The following DNER variants were observed in gnomAD, a reference collection of about 807,000 sequenced individuals.
DNER encodes delta and Notch-like epidermal growth factor-related receptor.
DNER carries 33 observed loss-of-function variants against 78.2 expected under a neutral mutation model. That is an observed-to-expected ratio of 0.42 (90% confidence interval 0.32 to 0.56). The LOEUF (loss-of-function observed/expected upper bound fraction) is 0.56, where lower values mean the gene tolerates loss of function less well. Ranked by LOEUF, DNER falls within the 20% of genes least tolerant of loss-of-function variation. DNER has a pLI of 0.11. For missense variants in DNER, 918 were observed against 975.3 expected, an observed-to-expected ratio of 0.94 and a Z score of 0.78; for synonymous variants, 417 against 384.8, an observed-to-expected ratio of 1.08 and a Z score of -0.98.
intron 1 of DNER, among the ~76,000 whole-genome samples, chr2:229,640,755 G>C (rs1339105139): frequency 4.6e-5 from 7 of 152,236 alleles, no homozygotes; most frequent in Non-Finnish European, 1.0e-4. Flanking sequence ...AGTGTGCTGA[G>C]GACCTAGCGG....
At chr2:229,462,220 G>C (rs1694717724) in intron 7 of DNER, among the ~76,000 whole-genome samples, 1 of 152,080 alleles carries the variant, frequency 6.6e-6, no homozygotes, top group Non-Finnish European at 1.5e-5. Context: ...AACATTTCTG[G>C]AAGATTTTAA....
chr2:229,630,677 G>A (rs964412004), intron 1 of DNER, among the ~76,000 whole-genome samples: 1 of 151,938 alleles, frequency 6.6e-6, no homozygotes, highest in Non-Finnish European at 1.5e-5. Flanking sequence ...GGGTACATGT[G>A]CAGGTTTGTT....
intron 1 of DNER, among the ~76,000 whole-genome samples, chr2:229,602,135 C>A (rs1697837839): frequency 6.6e-6 from 1 of 151,964 alleles, no homozygotes. Context: ...TTTTACAAAA[C>A]CACAATGCCA....
At chr2:229,488,547 A>G (rs1695327716) in intron 6 of DNER, among the ~76,000 whole-genome samples, 1 of 152,242 alleles carries the variant, frequency 6.6e-6, no homozygotes, top group African/African-American at 2.4e-5. Flanking sequence ...TCCATTTTAT[A>G]GATAAGAGAA....
intron 6 of DNER, among the ~76,000 whole-genome samples, chr2:229,492,320 C>T (rs1302073612): frequency 6.6e-6 from 1 of 152,194 alleles, no homozygotes; most frequent in Non-Finnish European, 1.5e-5. Flanking sequence ...CGTACCATGT[C>T]TCACTAGCTT....
chr2:229,685,259 T>A (rs1039016958), intron 1 of DNER, among the ~76,000 whole-genome samples: 1 of 116,280 alleles, frequency 8.6e-6, no homozygotes. Flanking sequence ...CTGTTCTGTT[T>A]TAAATAAAAC....
chr2:229,521,091 A>C (rs1696086811), intron 5 of DNER, among the ~76,000 whole-genome samples: 1 of 152,194 alleles, frequency 6.6e-6, no homozygotes, highest in Admixed American at 6.5e-5. Flanking sequence ...AAAAGTCCGA[A>C]GACCTCTCTA....
At chr2:229,546,814 C>CAGAAAGACAGACAGACAGAT in intron 5 of DNER, 133 bp downstream of exon 5, 1 of 1,290,172 alleles carries the variant, frequency 7.8e-7, no homozygotes, top group Non-Finnish European at 1.1e-6. Flanking sequence ...GACAGACAGA[C>CAGAAAGACAGACAGACAGAT]AGACAGACAG....
At chr2:229,620,653 G>A (rs1698238264) in intron 1 of DNER, among the ~76,000 whole-genome samples, 1 of 152,232 alleles carries the variant, frequency 6.6e-6, no homozygotes, top group African/African-American at 2.4e-5. Context: ...ACCCCACACT[G>A]GGATGGGGCG....
chr2:229,705,910 C>T (rs1220266245), intron 1 of DNER, among the ~76,000 whole-genome samples: 1 of 152,182 alleles, frequency 6.6e-6, no homozygotes, highest in African/African-American at 2.4e-5. Flanking sequence ...CTTTTCCCTG[C>T]CTCACATACT....
intron 1 of DNER, among the ~76,000 whole-genome samples, chr2:229,638,629 A>C (rs978144815): frequency 6.6e-6 from 1 of 152,212 alleles, no homozygotes; most frequent in Non-Finnish European, 1.5e-5. Flanking sequence ...TATGAATTTA[A>C]TTCCAACTAG....
At chr2:229,486,074 A>T (rs79234263) in intron 6 of DNER, among the ~76,000 whole-genome samples, 4,954 of 152,306 alleles carry the variant, frequency 0.033, 119 homozygotes, top group Non-Finnish European at 0.054. Flanking sequence ...TCAGGGCCTC[A>T]GCCGTGTCTG....
At chr2:229,606,200 C>G (rs1697933456) in intron 1 of DNER, 1 of 152,130 alleles carries the variant, frequency 6.6e-6, no homozygotes, top group African/African-American at 2.4e-5. Flanking sequence ...GAAATAAGAC[C>G]TACAGTTCTG....
chr2:229,569,727 T>C (rs1423681816), intron 4 of DNER, among the ~76,000 whole-genome samples: 2 of 152,164 alleles, frequency 1.3e-5, no homozygotes, highest in Non-Finnish European at 2.9e-5. Context: ...ACATTATTAT[T>C]GTTTATTTTT....
chr2:229,611,311 G>C (rs1037505507), intron 1 of DNER, among the ~76,000 whole-genome samples: 1 of 152,160 alleles, frequency 6.6e-6, no homozygotes. Flanking sequence ...CTTTTGGCCT[G>C]AAGCACTATA....
At chr2:229,410,415 C>A (rs1400759894) in intron 9 of DNER, among the ~76,000 whole-genome samples, 1 of 152,178 alleles carries the variant, frequency 6.6e-6, no homozygotes, top group Non-Finnish European at 1.5e-5. Flanking sequence ...GGGGCGACAG[C>A]CAGTGTACTT....
chr2:229,588,523 G>T (rs766341155), intron 2 of DNER, 35 bp from the exon 3 acceptor site: 6 of 1,585,534 alleles, frequency 3.8e-6, no homozygotes, highest in Admixed American at 3.4e-5. Context: ...ATATGATTGG[G>T]GTTGTTTATA....
At chr2:229,600,381 T>C (rs752233799) in intron 1 of DNER, among the ~76,000 whole-genome samples, 2 of 152,164 alleles carry the variant, frequency 1.3e-5, no homozygotes, top group Non-Finnish European at 2.9e-5. Flanking sequence ...GTACAGACTT[T>C]GGGGTTCACA....
chr2:229,707,808 G>A (rs1003283970), intron 1 of DNER, among the ~76,000 whole-genome samples: 2 of 152,236 alleles, frequency 1.3e-5, no homozygotes, highest in African/African-American at 4.8e-5. Flanking sequence ...TCTCTTCACT[G>A]TTTTCTTATT....
Sources: allele counts gnomAD v4.1 joint callset (sites outside exome capture counted in the v4.1 genomes callset), GRCh38; gene constraint gnomAD v4.1.1; transcripts MANE v1.5; gene names NCBI Gene and HGNC (gene_info 2026-07-23, HGNC 2026-07-21).